CUX1: variants seen among roughly 807,000 people sequenced by gnomAD.
The protein encoded by CUX1 is protein CASP.
CUX1 carries 31 observed loss-of-function variants against 158.8 expected under a neutral mutation model. The observed-to-expected ratio is 0.20, with a 90% CI of 0.15 to 0.26. CUX1 has a LOEUF of 0.26. CUX1 is among the 10% of genes least tolerant of loss of function. The pLI is 1.00. For synonymous variants in CUX1, 879 were observed against 862.1 expected (o/e 1.02, Z -0.34); for missense variants, 1,589 against 2,014.6 (o/e 0.79, Z 4.04).
chr7:101,849,345 A>G (rs950600237), intron 1 of CUX1, among the ~76,000 whole-genome samples: 2 of 151,414 alleles, frequency 1.3e-5, no homozygotes, highest in African/African-American at 4.9e-5. Flanking sequence ...TTCACTCTCC[A>G]AAAGGCCCCA....
intron 19 of CUX1, among the ~76,000 whole-genome samples, 192 bp from the exon 20 acceptor site, chr7:102,204,922 C>A (rs543786074): frequency 6.6e-6 from 1 of 152,208 alleles, no homozygotes; most frequent in Admixed American, 6.5e-5. Flanking sequence ...ATGTCACAGG[C>A]GAAACCTTTC....
At chr7:102,075,300 ACT>A (rs1826586701) in intron 4 of CUX1, among the ~76,000 whole-genome samples, 1 of 151,670 alleles carries the variant, frequency 6.6e-6, no homozygotes, top group Admixed American at 6.6e-5. Context: ...GGGCGGCCAG[ACT>A]CTTCCTGGCT....
At chr7:101,929,505 G>GA (rs1389855747) in intron 2 of CUX1, among the ~76,000 whole-genome samples, 2 of 152,198 alleles carry the variant, frequency 1.3e-5, no homozygotes, top group Non-Finnish European at 2.9e-5. Context: ...CTTCAGCACA[G>GA]AAAAGCACTC....
intron 20 of CUX1, among the ~76,000 whole-genome samples, chr7:102,210,917 G>A (rs1437874215): frequency 6.6e-6 from 1 of 152,184 alleles, no homozygotes; most frequent in African/African-American, 2.4e-5. Flanking sequence ...TTTTGAATGT[G>A]CATGCGTATC....
At chr7:102,240,373 G>A (rs1310673963) in intron 23 of CUX1, among the ~76,000 whole-genome samples, 2 of 152,146 alleles carry the variant, frequency 1.3e-5, no homozygotes, top group Non-Finnish European at 2.9e-5. Flanking sequence ...GGCTCAGGCA[G>A]TCCTCCCACC....
chr7:102,222,794 G>T (rs1329457683), intron 20 of CUX1, among the ~76,000 whole-genome samples: 3 of 119,348 alleles, frequency 2.5e-5, no homozygotes, highest in Non-Finnish European at 5.0e-5. Context: ...CTGGCTGTGT[G>T]TCTCGGGGCA....
At chr7:102,145,150 GCTGGTGTATC>G (rs1563306599) in intron 8 of CUX1, among the ~76,000 whole-genome samples, 3 of 151,512 alleles carry the variant, frequency 2.0e-5, no homozygotes, top group Non-Finnish European at 2.9e-5. Context: ...GTTGCAGTTG[GCTGGTGTATC>G]TTTAAGTCTT....
At chr7:101,996,976 C>T (rs1325678957) in intron 2 of CUX1, among the ~76,000 whole-genome samples, 4 of 151,680 alleles carry the variant, frequency 2.6e-5, no homozygotes, top group South Asian at 2.1e-4. Flanking sequence ...CGCTCCCCTG[C>T]GCTCGTGTGC....
intron 9 of CUX1, among the ~76,000 whole-genome samples, chr7:102,162,158 G>A (rs1416906910): frequency 3.9e-5 from 6 of 152,146 alleles, no homozygotes; most frequent in Non-Finnish European, 5.9e-5. Context: ...GCATTTGTGG[G>A]TTCTGTCCTT....
chr7:101,987,541 C>A (rs973741863), intron 2 of CUX1, among the ~76,000 whole-genome samples: 1 of 152,222 alleles, frequency 6.6e-6, no homozygotes, highest in Non-Finnish European at 1.5e-5. Context: ...ATTGGGGGAA[C>A]CTTGACCCCG....
chr7:101,841,830 G>A (rs557133193), intron 1 of CUX1, among the ~76,000 whole-genome samples: 1 of 152,154 alleles, frequency 6.6e-6, no homozygotes, highest in South Asian at 2.1e-4. Context: ...AAAGTGCTGG[G>A]ATTACAGGCA....
chr7:102,050,604 G>A (rs421168), intron 3 of CUX1, among the ~76,000 whole-genome samples: 82,435 of 151,720 alleles, frequency 0.54, 24,397 homozygotes, highest in East Asian at 0.97. Flanking sequence ...GCCCCATTTC[G>A]GGAGAGGTAA....
intron 3 of CUX1, among the ~76,000 whole-genome samples, chr7:102,042,997 C>T (rs866415789): frequency 4.6e-5 from 7 of 152,112 alleles, no homozygotes; most frequent in African/African-American, 7.2e-5. Flanking sequence ...GCTGCGTTGC[C>T]CAGGCTGGTC....
intron 1 of CUX1, among the ~76,000 whole-genome samples, chr7:101,865,530 C>CT (rs1797854639): frequency 1.3e-5 from 2 of 152,314 alleles, no homozygotes; most frequent in African/African-American, 4.8e-5. Context: ...ATCCTGTCTA[C>CT]TTTAGCGTAT....
intron 1 of CUX1, among the ~76,000 whole-genome samples, chr7:101,832,068 G>C (rs1369119917): frequency 6.6e-6 from 1 of 152,196 alleles, no homozygotes; most frequent in Non-Finnish European, 1.5e-5. Context: ...ACTGAAGAGG[G>C]ATGGTTCAGT....
At chr7:102,189,906 T>G (rs1554516515) in intron 12 of CUX1, 35 bp downstream of exon 12, 1 of 1,607,088 alleles carries the variant, frequency 6.2e-7, no homozygotes, top group Admixed American at 1.7e-5. Context: ...CCTCACACGC[T>G]GGGGCGCATT....
intron 3 of CUX1, 114 bp downstream of exon 3, chr7:102,028,259 C>T (rs142363478): frequency 1.1e-3 from 1,191 of 1,078,282 alleles, no homozygotes; most frequent in Non-Finnish European, 1.3e-3. Context: ...GGTGCCTTCC[C>T]GGCTGCTCCG....
intron 4 of CUX1, among the ~76,000 whole-genome samples, chr7:102,090,378 TG>T (rs1415878797): frequency 6.6e-6 from 1 of 151,774 alleles, no homozygotes; most frequent in Non-Finnish European, 1.5e-5. Flanking sequence ...TTTTTTTTTT[TG>T]TTTTTTTGTT....
chr7:102,046,084 A>G lies in CUX1; in HGVS notation c.189+17939A>G, dbSNP rs143598438. Among the ~76,000 whole-genome samples the G allele has an allele frequency of 3.0e-3, 451 of 152,348 alleles. 1 individual carries two copies. Among genetic ancestry groups the G allele is most frequent in the African/African-American group, 0.01 (429 of 41,586 alleles). ...AACCCCAGAATGACTTAGGAAAATG[A>G]TATTGTGGCAAAGTTGACTCAAAAC... On this transcript the variant is annotated intron_variant, in intron 3 of 23. Transcript: ENST00000292535.
Sources: allele counts gnomAD v4.1 joint callset (sites outside exome capture counted in the v4.1 genomes callset), GRCh38; gene constraint gnomAD v4.1.1; transcripts MANE v1.5; gene names NCBI Gene and HGNC (gene_info 2026-07-23, HGNC 2026-07-21).